The following CTNNA2 variants were observed in gnomAD, a reference collection of about 807,000 sequenced individuals.
CTNNA2 encodes the protein catenin alpha 2, also known as catenin alpha-2.
Under a neutral mutation model 101.0 loss-of-function variants are expected in CTNNA2, and 42 were observed. That is an observed-to-expected ratio of 0.42 (90% CI 0.32 to 0.54). The LOEUF (loss-of-function observed/expected upper bound fraction) is 0.54, where lower values mean the gene tolerates loss of function less well. CTNNA2 is among the 20% of genes least tolerant of loss of function. The pLI, the probability that CTNNA2 is intolerant of heterozygous loss-of-function variation, is 0.14. For synonymous variants in CTNNA2, 450 were observed against 456.4 expected, an observed-to-expected ratio of 0.99 and a Z score of 0.18; for missense variants, 871 against 1,223.1, an observed-to-expected ratio of 0.71 and a Z score of 4.29.
At chr2:80,570,947 A>G (rs545845394) in intron 12 of CTNNA2, among the ~76,000 whole-genome samples, 10 of 152,100 alleles carry the variant, frequency 6.6e-5, no homozygotes, top group South Asian at 2.1e-4. Context: ...AGCATCCCCT[A>G]TGAAGTCCAT....
At chr2:80,203,459 C>T (rs1009087472) in intron 7 of CTNNA2, among the ~76,000 whole-genome samples, 1 of 152,232 alleles carries the variant, frequency 6.6e-6, no homozygotes, top group African/African-American at 2.4e-5. Context: ...AATGGGGCCA[C>T]AGGCCCCATG....
intron 9 of CTNNA2, among the ~76,000 whole-genome samples, chr2:80,470,458 G>A (rs1685208758): frequency 6.6e-6 from 1 of 152,098 alleles, no homozygotes; most frequent in African/African-American, 2.4e-5. Flanking sequence ...TCCAAATTTG[G>A]ATTTTTGTTC....
At chr2:80,083,248 A>G (rs1699252964) in intron 7 of CTNNA2, among the ~76,000 whole-genome samples, 1 of 152,140 alleles carries the variant, frequency 6.6e-6, no homozygotes, top group Non-Finnish European at 1.5e-5. Context: ...GCCACTGGGA[A>G]TTTTAAAACT....
At chr2:79,701,189 A>G (rs1684977806) in intron 2 of CTNNA2, among the ~76,000 whole-genome samples, 1 of 152,132 alleles carries the variant, frequency 6.6e-6, no homozygotes, top group African/African-American at 2.4e-5. Context: ...AGTTCTTATG[A>G]AACAGTGCCA....
At chr2:80,355,179 T>C (rs1673662819) in intron 7 of CTNNA2, among the ~76,000 whole-genome samples, 1 of 152,182 alleles carries the variant, frequency 6.6e-6, no homozygotes, top group African/African-American at 2.4e-5. Context: ...CTCTCTTTTT[T>C]TCCTTAGTAA....
intron 7 of CTNNA2, among the ~76,000 whole-genome samples, chr2:80,189,477 G>C (rs568141091): frequency 6.6e-6 from 1 of 152,314 alleles, no homozygotes; most frequent in Non-Finnish European, 1.5e-5. Flanking sequence ...CTTCCCTGCA[G>C]CATGGGATCC....
chr2:79,574,596 A>T (rs752783209), intron 1 of CTNNA2, among the ~76,000 whole-genome samples: 1 of 152,188 alleles, frequency 6.6e-6, no homozygotes, highest in Non-Finnish European at 1.5e-5. Context: ...TATGTACCAC[A>T]ATTTCTTTAT....
chr2:80,112,705 T>A (rs1701294509), intron 7 of CTNNA2, among the ~76,000 whole-genome samples: 1 of 152,228 alleles, frequency 6.6e-6, no homozygotes. Context: ...AAAATTTTCA[T>A]CCTTCCCAGC....
chr2:80,384,258 G>A (rs1302180194), intron 7 of CTNNA2, among the ~76,000 whole-genome samples: 1 of 151,920 alleles, frequency 6.6e-6, no homozygotes, highest in Non-Finnish European at 1.5e-5. Flanking sequence ...TTCTGTAGGT[G>A]AACTTATGTC....
intron 1 of CTNNA2, among the ~76,000 whole-genome samples, chr2:79,559,661 C>T (rs1160454243): frequency 6.6e-6 from 1 of 151,794 alleles, no homozygotes; most frequent in Non-Finnish European, 1.5e-5. Context: ...ATCAAATGCA[C>T]TTTGGATGGA....
intron 16 of CTNNA2, among the ~76,000 whole-genome samples, chr2:80,606,110 T>A (rs920294478): frequency 6.6e-6 from 1 of 151,808 alleles, no homozygotes; most frequent in Non-Finnish European, 1.5e-5. Context: ...TTGGGACGTG[T>A]AGAGTGACCA....
chr2:80,095,623 C>T (rs142958992), intron 7 of CTNNA2, among the ~76,000 whole-genome samples: 1,882 of 152,232 alleles, frequency 0.012, 35 homozygotes, highest in African/African-American at 0.043. Context: ...GCTGTGAATC[C>T]GTCTGGTCCT....
intron 2 of CTNNA2, among the ~76,000 whole-genome samples, chr2:79,200,677 A>G (rs1263624523): frequency 6.6e-6 from 1 of 152,178 alleles, no homozygotes; most frequent in Non-Finnish European, 1.5e-5. Flanking sequence ...CAAACAAACA[A>G]AAACTCTTGT....
chr2:79,373,853 CA>C (rs935626562), exon 4 of CTNNA2: 31 of 152,032 alleles, frequency 2.0e-4, no homozygotes, highest in African/African-American at 7.3e-4. Context: ...AGACTCAGAG[CA>C]TTTAAGCAGC....
intron 12 of CTNNA2, among the ~76,000 whole-genome samples, chr2:80,560,787 G>A (rs1693515162): frequency 6.6e-6 from 1 of 152,138 alleles, no homozygotes; most frequent in African/African-American, 2.4e-5. Context: ...AGTATGGTAT[G>A]TCCTCTTCAG....
In CTNNA2 at chr2:80,648,010, G is replaced by GTAAGA; in HGVS notation, c.*140_*144dup. Reference sequence around the variant, plus strand: ...TTAAGGGAACAGTGTCTGTTTGCATGTAAGATGAGATGAGATCAATACTAC... The same window carrying GTAAGA: ...TTAAGGGAACAGTGTCTGTTTGCATGTAAGATAAGATGAGATGAGATCAATACTAC... On this transcript the variant is annotated 3_prime_UTR_variant, in exon 19 of 19. Transcript: ENST00000402739. The GTAAGA allele has an allele frequency of 1.3e-6, 1 of 782,394 alleles. No individual in the cohort carries two copies. Among genetic ancestry groups the GTAAGA allele is most frequent in the Non-Finnish European group, 2.0e-6 (1 of 505,270 alleles). The allele number at this position is 782,394 out of a possible 1,614,324, so 48.5% of individuals were successfully genotyped here.
At chr2:80,531,903 G>T (rs1387114028) in intron 9 of CTNNA2, among the ~76,000 whole-genome samples, 2 of 152,250 alleles carry the variant, frequency 1.3e-5, no homozygotes, top group African/African-American at 2.4e-5. Flanking sequence ...CTAAACTGGG[G>T]GTTGGCAATC....
intron 2 of CTNNA2, among the ~76,000 whole-genome samples, chr2:79,211,228 T>C (rs1674167861): frequency 6.6e-6 from 1 of 152,188 alleles, no homozygotes; most frequent in Admixed American, 6.5e-5. Context: ...TCCCCACCTG[T>C]AATTGTACTC....
chr2:79,325,539 C>A (rs937471619), intron 3 of CTNNA2, among the ~76,000 whole-genome samples: 5 of 152,224 alleles, frequency 3.3e-5, no homozygotes, highest in Non-Finnish European at 5.9e-5. Context: ...AAGATAGTCA[C>A]TGTCCCAGGT....
Sources: gnomAD v4.1 joint callset for allele counts (sites outside exome capture counted in the v4.1 genomes callset) on GRCh38, gnomAD v4.1.1 for gene constraint, MANE v1.5 for transcripts, NCBI Gene and HGNC (gene_info 2026-07-23, HGNC 2026-07-21) for gene names.